The following NKAIN2 variants were observed in gnomAD, a reference collection of about 807,000 sequenced individuals.
NKAIN2 encodes sodium/potassium transporting ATPase interacting 2, also known as sodium/potassium-transporting ATPase subunit beta-1-interacting protein 2.
In NKAIN2, 14 loss-of-function variants were observed where a neutral mutation model predicts 32.6. The ratio of observed to expected loss-of-function variants is 0.43; its 90% confidence interval spans 0.28 to 0.67. The LOEUF (loss-of-function observed/expected upper bound fraction) is 0.67, where lower values mean the gene tolerates loss of function less well. Ranked by LOEUF, NKAIN2 falls within the 30% of genes least tolerant of loss-of-function variation. NKAIN2 has a pLI of 0.17. For missense variants in NKAIN2, 198 were observed against 258.3 expected (o/e 0.77, Z 1.60); for synonymous variants, 80 against 87.2 (o/e 0.92, Z 0.46).
intron 3 of NKAIN2, among the ~76,000 whole-genome samples, chr6:124,638,275 A>C (rs1181768271): frequency 6.6e-6 from 1 of 152,220 alleles, no homozygotes; most frequent in Non-Finnish European, 1.5e-5. Context: ...AAATGGGTGA[A>C]AGACTTAAAT....
chr6:124,488,662 A>T (rs912816515), intron 3 of NKAIN2, among the ~76,000 whole-genome samples: 1 of 152,012 alleles, frequency 6.6e-6, no homozygotes. Context: ...TTCCAATCTC[A>T]TGTTGAGATG....
rs766482280 is a variant in NKAIN2 at position 124,453,322 on chromosome 6, A to AACACACACACACACACACAC, written c.273+98003_273+98022dup. ...TTTCTCCCCCTCATACATGCATATA[A>AACACACACACACACACACAC]ACACACACACACACACACACACACA... On this transcript the variant is annotated intron_variant, in intron 3 of 6. Coordinates refer to ENST00000368417, the MANE Select transcript of NKAIN2 (RefSeq NM_001040214.3). Among the ~76,000 whole-genome samples the AACACACACACACACACACAC allele has an allele frequency of 8.1e-4, 52 of 63,926 alleles. 4 individuals are homozygous for AACACACACACACACACACAC. Among genetic ancestry groups the AACACACACACACACACACAC allele is most frequent in the African/African-American group, 2.3e-3 (45 of 19,484 alleles). The allele number at this position is 63,926 out of a possible 152,430, so 41.9% of individuals were successfully genotyped here.
At chr6:124,422,442 C>T (rs955276600) in intron 3 of NKAIN2, among the ~76,000 whole-genome samples, 18 of 152,248 alleles carry the variant, frequency 1.2e-4, no homozygotes, top group Admixed American at 2.0e-4. Context: ...CCATTGTTAG[C>T]GTCTTTGGCT....
At chr6:124,111,866 T>G (rs984614478) in intron 1 of NKAIN2, among the ~76,000 whole-genome samples, 1 of 151,812 alleles carries the variant, frequency 6.6e-6, no homozygotes, top group African/African-American at 2.4e-5. Context: ...GTGTGTGTGG[T>G]TACCTTGCTA....
At chr6:123,836,467 T>G (rs999259010) in intron 1 of NKAIN2, among the ~76,000 whole-genome samples, 4 of 152,114 alleles carry the variant, frequency 2.6e-5, no homozygotes, top group African/African-American at 7.2e-5. Context: ...AGTCTCATCA[T>G]GAGAAAAACA....
intron 1 of NKAIN2, among the ~76,000 whole-genome samples, chr6:123,991,722 C>T (rs967209711): frequency 2.0e-5 from 3 of 151,722 alleles, no homozygotes; most frequent in Non-Finnish European, 4.4e-5. Flanking sequence ...ATTAGCCAGG[C>T]ATGGTGGTGG....
At chr6:124,527,757 T>A (rs1477713370) in intron 3 of NKAIN2, among the ~76,000 whole-genome samples, 1 of 152,030 alleles carries the variant, frequency 6.6e-6, no homozygotes, top group Non-Finnish European at 1.5e-5. Context: ...CTGGTCTGAG[T>A]CAGTGGAAAT....
intron 3 of NKAIN2, among the ~76,000 whole-genome samples, chr6:124,426,777 A>G (rs1231282845): frequency 6.6e-6 from 1 of 152,128 alleles, no homozygotes; most frequent in East Asian, 1.9e-4. Flanking sequence ...GTGGGAGATA[A>G]TTGAATCATG....
chr6:124,634,734 G>T (rs981094528), intron 3 of NKAIN2, among the ~76,000 whole-genome samples: 3 of 151,970 alleles, frequency 2.0e-5, no homozygotes, highest in African/African-American at 7.2e-5. Context: ...GATCCAAGAA[G>T]CTGAATGATT....
chr6:124,305,845 C>A lies in NKAIN2; in HGVS notation c.192+22703C>A, dbSNP rs77517791. 4.7e-4 allele frequency among the ~76,000 whole-genome samples: 72 copies of A among 152,216 alleles called. No individual in the cohort carries two copies. In the East Asian group the frequency reaches 0.011, roughly 24 times the overall value. On this transcript the variant is annotated intron_variant, in intron 2 of 6. Coordinates refer to ENST00000368417, the MANE Select transcript of NKAIN2 (RefSeq NM_001040214.3). The stretch of plus-strand genomic sequence containing the variant: ...ACCTCCTGGCCCTGCTGCTGCAAAC[C>A]CATGTTCTGTACAAATAAAGCTCTG...
intron 1 of NKAIN2, among the ~76,000 whole-genome samples, chr6:124,035,872 G>A (rs923510863): frequency 6.6e-6 from 1 of 152,098 alleles, no homozygotes; most frequent in African/African-American, 2.4e-5. Flanking sequence ...GGAGTTCCCC[G>A]GTGATGGCAG....
intron 5 of NKAIN2, among the ~76,000 whole-genome samples, chr6:124,799,208 T>C (rs756445448): frequency 2.8e-4 from 42 of 152,240 alleles, no homozygotes; most frequent in Non-Finnish European, 5.6e-4. Context: ...TTCCTATTAG[T>C]GACCACAGCA....
intron 3 of NKAIN2, among the ~76,000 whole-genome samples, chr6:124,383,251 A>G (rs1486273041): frequency 6.6e-6 from 1 of 151,724 alleles, no homozygotes; most frequent in East Asian, 1.9e-4. Flanking sequence ...TCAATTATCA[A>G]CTCTTGGCTG....
intron 1 of NKAIN2, among the ~76,000 whole-genome samples, chr6:124,130,195 G>A (rs1201261899): frequency 6.6e-6 from 1 of 152,146 alleles, no homozygotes; most frequent in Non-Finnish European, 1.5e-5. Flanking sequence ...GTAGAATTTG[G>A]ATCCCATTAC....
chr6:124,494,899 A>G (rs963798364), intron 3 of NKAIN2, among the ~76,000 whole-genome samples: 6 of 152,098 alleles, frequency 3.9e-5, no homozygotes, highest in Non-Finnish European at 8.8e-5. Flanking sequence ...TCATCATGTG[A>G]ATACTTTTCT....
chr6:124,419,063 T>C (rs1437653121), intron 3 of NKAIN2, among the ~76,000 whole-genome samples: 5 of 152,154 alleles, frequency 3.3e-5, no homozygotes, highest in African/African-American at 1.2e-4. Context: ...CTGCCTGTTT[T>C]AATGTTGTTG....
At chr6:124,168,773 G>A (rs1282694790) in intron 1 of NKAIN2, among the ~76,000 whole-genome samples, 1 of 152,012 alleles carries the variant, frequency 6.6e-6, no homozygotes, top group East Asian at 1.9e-4. Flanking sequence ...ATTTTATTAA[G>A]TATATTAAGA....
At chr6:123,972,626 A>G (rs2114640296) in intron 1 of NKAIN2, among the ~76,000 whole-genome samples, 2 of 152,300 alleles carry the variant, frequency 1.3e-5, no homozygotes, top group Admixed American at 1.3e-4. Context: ...GCCTGATGTT[A>G]GCTTGGAGAA....
At chr6:124,354,540 C>G (rs1798879894) in intron 2 of NKAIN2, among the ~76,000 whole-genome samples, 1 of 151,954 alleles carries the variant, frequency 6.6e-6, no homozygotes, top group Non-Finnish European at 1.5e-5. Context: ...AAAGGAGACA[C>G]CAAAGAGAGA....
Sources: allele counts gnomAD v4.1 joint callset (sites outside exome capture counted in the v4.1 genomes callset), GRCh38; gene constraint gnomAD v4.1.1; transcripts MANE v1.5; gene names NCBI Gene and HGNC (gene_info 2026-07-23, HGNC 2026-07-21).